NKAIN2: variants seen among roughly 807,000 people sequenced by gnomAD.
NKAIN2 encodes sodium/potassium-transporting ATPase subunit beta-1-interacting protein 2.
In NKAIN2, 14 loss-of-function variants were observed where a neutral mutation model predicts 32.6. The observed-to-expected ratio is 0.43, with a 90% CI of 0.28 to 0.67. The LOEUF (loss-of-function observed/expected upper bound fraction) is 0.67, where lower values mean the gene tolerates loss of function less well. Among genes scored for constraint, NKAIN2 ranks in the 30% least tolerant of loss-of-function variants. NKAIN2 has a pLI of 0.17. For synonymous variants in NKAIN2, 80 were observed against 87.2 expected (o/e 0.92, Z 0.46); for missense variants, 198 against 258.3 (o/e 0.77, Z 1.60).
chr6:124,039,551 T>C (rs1781770046), intron 1 of NKAIN2, among the ~76,000 whole-genome samples: 1 of 151,930 alleles, frequency 6.6e-6, no homozygotes, highest in Non-Finnish European at 1.5e-5. Flanking sequence ...ATGTATTGTT[T>C]TTGCTTATAT....
At chr6:124,067,735 C>CTAGA (rs1783259088) in intron 1 of NKAIN2, among the ~76,000 whole-genome samples, 1 of 152,110 alleles carries the variant, frequency 6.6e-6, no homozygotes, top group East Asian at 1.9e-4. Flanking sequence ...CTGCTACTGA[C>CTAGA]TAGATATGTT....
intron 3 of NKAIN2, among the ~76,000 whole-genome samples, chr6:124,513,269 T>C (rs1778785790): frequency 6.6e-6 from 1 of 152,234 alleles, no homozygotes; most frequent in Non-Finnish European, 1.5e-5. Flanking sequence ...TATTTTCTAC[T>C]ATTGGATAAA....
At chr6:124,331,785 T>G (rs536839557) in intron 2 of NKAIN2, among the ~76,000 whole-genome samples, 4 of 152,238 alleles carry the variant, frequency 2.6e-5, no homozygotes, top group Non-Finnish European at 5.9e-5. Context: ...ATGACCTCAT[T>G]AGTAGAGTAT....
intron 1 of NKAIN2, among the ~76,000 whole-genome samples, chr6:124,226,972 C>T (rs1191510966): frequency 2.0e-5 from 3 of 151,806 alleles, no homozygotes; most frequent in African/African-American, 7.3e-5. Context: ...GTATTTATAA[C>T]CTCTATCTCA....
chr6:124,396,204 C>T (rs912168110), intron 3 of NKAIN2, among the ~76,000 whole-genome samples: 1 of 151,788 alleles, frequency 6.6e-6, no homozygotes, highest in Non-Finnish European at 1.5e-5. Context: ...TCTCCCAATA[C>T]ATGGTAAGAT....
At position 124,658,078 on chromosome 6, in the gene NKAIN2, A is replaced by G. The variant is rs545729336; in HGVS notation, c.274-108A>G. 32 of 855,152 alleles carry G rather than the reference A, an allele frequency of 3.7e-5. No homozygotes were observed. The African/African-American group carries it at 4.7e-4, about 13-fold the overall frequency. The allele number at this position is 855,152 out of a possible 1,614,324, so 53.0% of individuals were successfully genotyped here. A position where few individuals can be genotyped will look rare whatever the true frequency, so the allele number is the denominator to read the frequency against. ...TACAGCATGGGGTAGGAAAAAAAAA[A>G]CAAACAAACCCACATTTCCAAATGG... On this transcript the variant is annotated intron_variant, in intron 3 of 6. Coordinates refer to ENST00000368417, the MANE Select transcript of NKAIN2 (RefSeq NM_001040214.3).
intron 1 of NKAIN2, among the ~76,000 whole-genome samples, chr6:124,132,251 AC>A (rs1786518250): frequency 2.6e-5 from 4 of 152,192 alleles, no homozygotes; most frequent in African/African-American, 9.7e-5. Flanking sequence ...CACAGTGGCT[AC>A]AACAAGCTCT....
chr6:123,857,783 A>G (rs1775612671), intron 1 of NKAIN2, among the ~76,000 whole-genome samples: 1 of 152,122 alleles, frequency 6.6e-6, no homozygotes, highest in Non-Finnish European at 1.5e-5. Flanking sequence ...TGTATTCATC[A>G]GGCACACTGC....
At chr6:124,272,451 G>T (rs1230630702) in intron 1 of NKAIN2, among the ~76,000 whole-genome samples, 2 of 152,192 alleles carry the variant, frequency 1.3e-5, no homozygotes, top group Non-Finnish European at 2.9e-5. Flanking sequence ...GTACTCAGAA[G>T]ATAAGAGTTG....
intron 1 of NKAIN2, among the ~76,000 whole-genome samples, chr6:123,844,601 A>T (rs546314434): frequency 2.0e-5 from 3 of 152,342 alleles, no homozygotes; most frequent in Admixed American, 1.3e-4. Context: ...ACCAGGACAG[A>T]TCTATGAGGA....
rs146536054 is a variant in NKAIN2 at position 124,573,436 on chromosome 6, T to C, written c.274-84750T>C. On this transcript the variant is annotated intron_variant, in intron 3 of 6. Coordinates refer to ENST00000368417, the MANE Select transcript of NKAIN2 (RefSeq NM_001040214.3). ...TCACTATTCACTTCTCTCTTTTGCA[T>C]TCTTGTTGAACTGTTGAGACTAATT... 1.6e-3 allele frequency among the ~76,000 whole-genome samples: 249 copies of C among 152,226 alleles called. 1 individual carries two copies. The highest frequency in any genetic ancestry group is 2.7e-3 in the Non-Finnish European group (186 of 68,012).
intron 3 of NKAIN2, among the ~76,000 whole-genome samples, chr6:124,363,446 AG>A (rs1471052222): frequency 5.9e-5 from 9 of 152,178 alleles, no homozygotes; most frequent in Non-Finnish European, 1.0e-4. Context: ...TGTATAAATC[AG>A]CATAGCTTTG....
At chr6:124,661,041 A>C (rs6928014) in intron 4 of NKAIN2, among the ~76,000 whole-genome samples, 40,401 of 152,008 alleles carry the variant, frequency 0.27, 5,524 homozygotes, top group East Asian at 0.41. Flanking sequence ...CTAGTGGAAA[A>C]TTCCTCAGTG....
At chr6:124,586,545 C>T (rs1051909580) in intron 3 of NKAIN2, among the ~76,000 whole-genome samples, 1 of 151,812 alleles carries the variant, frequency 6.6e-6, no homozygotes, top group Non-Finnish European at 1.5e-5. Context: ...CTCAGAGACA[C>T]CCGATTTTCC....
At chr6:124,645,468 A>T (rs1337373720) in intron 3 of NKAIN2, among the ~76,000 whole-genome samples, 1 of 152,226 alleles carries the variant, frequency 6.6e-6, no homozygotes. Context: ...TAAAAACTGC[A>T]TACTATGCAG....
chr6:123,840,883 A>G (rs909478312), intron 1 of NKAIN2, among the ~76,000 whole-genome samples: 8 of 152,290 alleles, frequency 5.3e-5, no homozygotes, highest in Admixed American at 1.3e-4. Context: ...AAAACTTTTC[A>G]AAGTGTAGTC....
intron 3 of NKAIN2, among the ~76,000 whole-genome samples, chr6:124,641,606 C>T (rs1362342236): frequency 8.6e-6 from 1 of 116,022 alleles, no homozygotes; most frequent in Non-Finnish European, 1.6e-5. Flanking sequence ...GGCTGGAGTG[C>T]AGTGGCAAGA....
At position 124,086,765 on chromosome 6, in the gene NKAIN2, AT is replaced by A. The variant is rs531002580; in HGVS notation, c.55-196239del. On this transcript the variant is annotated intron_variant, in intron 1 of 6. Transcript: ENST00000368417. ...CACAAGAAGAAATAGACAATGAAAAATAGTCTTATATTAATCAATAATTAAT... is the reference window on the plus strand; with the variant it reads ...CACAAGAAGAAATAGACAATGAAAAAAGTCTTATATTAATCAATAATTAAT... Among the ~76,000 whole-genome samples the A allele has an allele frequency of 2.3e-3, 347 of 152,102 alleles. 1 individual carries two copies. The highest frequency in any genetic ancestry group is 7.8e-3 in the African/African-American group (325 of 41,546).
chr6:123,934,296 T>C (rs580146), intron 1 of NKAIN2, among the ~76,000 whole-genome samples: 2 of 152,132 alleles, frequency 1.3e-5, no homozygotes, highest in Admixed American at 1.3e-4. Context: ...TGTGTTTTGG[T>C]CCACCCTGTG....
Sources: gnomAD v4.1 joint callset for allele counts (sites outside exome capture counted in the v4.1 genomes callset) on GRCh38, gnomAD v4.1.1 for gene constraint, MANE v1.5 for transcripts, NCBI Gene and HGNC (gene_info 2026-07-23, HGNC 2026-07-21) for gene names.